Variants in ACSS2 observed in about 807,000 individuals in gnomAD.
ACSS2 encodes acetyl-coenzyme A synthetase, cytoplasmic.
A neutral mutation model predicts 90.6 loss-of-function variants in ACSS2; 58 were observed. The observed-to-expected ratio is 0.64, with a 90% confidence interval of 0.52 to 0.80. ACSS2 has a LOEUF of 0.80. ACSS2 is among the 30% of genes least tolerant of loss of function. ACSS2 has a pLI of 0.00. For missense variants in ACSS2, 759 were observed against 912.0 expected, an observed-to-expected ratio of 0.83 and a Z score of 2.16; for synonymous variants, 300 against 330.9, an observed-to-expected ratio of 0.91 and a Z score of 1.01.
rs202132151 is a variant in ACSS2 at position 34,914,378 on chromosome 20, G to A, written c.775G>A (p.Gly259Ser). ...VVKHLGRAEL[G>S]MGDSTSQSPP... ...CAAGCACCTGGGGCGGGCAGAGCTC[G>A]GCATGGGTGACTCCACCAGCCAGTC... Residue 259 changes from glycine to serine, a missense_variant, in exon 7 of 18, where the codon GGC becomes AGC. Coordinates refer to ENST00000360596, the MANE Select transcript of ACSS2 (RefSeq NM_018677.4). 178 of 1,613,766 alleles carry A rather than the reference G, an allele frequency of 1.1e-4. 1 individual carries two copies. The highest frequency in any genetic ancestry group is 3.3e-4 in the Middle Eastern group (2 of 6,080).
intron 13 of ACSS2, 71 bp from the exon 14 acceptor site, chr20:34,923,252 A>G: frequency 1.7e-6 from 2 of 1,144,060 alleles, no homozygotes; most frequent in South Asian, 2.6e-5. Flanking sequence ...CCCCACATTT[A>G]GAAAAGCTGT....
intron 10 of ACSS2, 92 bp downstream of exon 10, chr20:34,921,231 C>G (rs1350116343): frequency 1.9e-6 from 3 of 1,607,054 alleles, no homozygotes; most frequent in Non-Finnish European, 2.6e-6. Flanking sequence ...TGTCCCAACT[C>G]TCTGACCTGG....
chr20:34,916,890 A>G (rs1301838796), intron 7 of ACSS2, among the ~76,000 whole-genome samples: 1 of 152,170 alleles, frequency 6.6e-6, no homozygotes, highest in Non-Finnish European at 1.5e-5. Flanking sequence ...TCCTGGTCCA[A>G]GGACAAAGGC....
chr20:34,926,028 C>A, intron 15 of ACSS2, 77 bp from the exon 16 acceptor site: 2 of 1,505,066 alleles, frequency 1.3e-6, no homozygotes, highest in Non-Finnish European at 1.8e-6. Context: ...ACCAGGACTG[C>A]CCCATGGGTA....
At chr20:34,897,970 C>T (rs1157910784) in intron 2 of ACSS2, among the ~76,000 whole-genome samples, 6 of 152,136 alleles carry the variant, frequency 3.9e-5, no homozygotes, top group East Asian at 3.8e-4. Context: ...AGAATGAAGC[C>T]GTGGACCCTC....
intron 2 of ACSS2, among the ~76,000 whole-genome samples, chr20:34,892,984 T>A (rs1488937114): frequency 2.0e-5 from 3 of 152,194 alleles, no homozygotes; most frequent in Non-Finnish European, 4.4e-5. Flanking sequence ...CTCCCCTGGA[T>A]ATACTTTAGT....
chr20:34,907,878 A>G (rs568058339), intron 2 of ACSS2, among the ~76,000 whole-genome samples: 61 of 152,318 alleles, frequency 4.0e-4, no homozygotes, highest in African/African-American at 1.4e-3. Context: ...CTACTGACTC[A>G]TCGAGCCAGG....
At position 34,926,300 on chromosome 20, in the gene ACSS2, CAGGGACTAT is replaced by C. The variant is rs1029204738; in HGVS notation, c.1903+24_1903+32del. On this transcript the variant is annotated intron_variant, in intron 16 of 17. Coordinates refer to ENST00000360596, the MANE Select transcript of ACSS2 (RefSeq NM_018677.4). ...AAGCAGAGTAAGGAGCCTCCCTGGG[CAGGGACTAT>C]AGGGTCTGTCTTGGAGGCCCAGTTA... 6.2e-7 allele frequency: 1 copy of C among 1,612,318 alleles called. No individual in the cohort carries two copies. The highest frequency in any genetic ancestry group is 8.5e-7 in the Non-Finnish European group (1 of 1,179,050).
chr20:34,877,924 A>T (rs971151882), intron 1 of ACSS2, among the ~76,000 whole-genome samples: 3 of 150,344 alleles, frequency 2.0e-5, no homozygotes, highest in Non-Finnish European at 4.4e-5. Context: ...AGATAGATAG[A>T]TAGATAGATA....
In ACSS2 at chr20:34,914,115, A is replaced by T. The variant is rs751285866; in HGVS notation, c.663A>T (p.Glu221Asp). 1 of 1,614,162 alleles carries T rather than the reference A, an allele frequency of 6.2e-7. No individual in the cohort carries two copies. The highest frequency in any genetic ancestry group is 1.1e-5 in the South Asian group (1 of 91,084). ...LITTDAFYRG[E>D]KLVNLKELAD... Reference sequence around the variant, plus strand: ...CCAAAGATGCCTTCTACAGGGGGGAAAAGCTTGTGAACCTGAAGGAGCTGG... The same window carrying T: ...CCAAAGATGCCTTCTACAGGGGGGATAAGCTTGTGAACCTGAAGGAGCTGG... Residue 221 changes from glutamate (E) to aspartate (D), a missense_variant, in exon 6 of 18, where the codon GAA becomes GAT. Coordinates refer to ENST00000360596, the MANE Select transcript of ACSS2 (RefSeq NM_018677.4).
In ACSS2 at chr20:34,927,388, G is replaced by A. The variant is rs1295993319; in HGVS notation, c.*174G>A. The A allele has an allele frequency of 2.3e-6, 2 of 858,098 alleles. No homozygotes were observed. Among genetic ancestry groups the A allele is most frequent in the African/African-American group, 1.7e-5 (1 of 59,370 alleles). The allele number at this position is 858,098 out of a possible 1,614,324, so 53.2% of individuals were successfully genotyped here. A position where few individuals can be genotyped will look rare whatever the true frequency, so the allele number is the denominator to read the frequency against. On this transcript the variant is annotated 3_prime_UTR_variant, in exon 18 of 18. Transcript: ENST00000360596. This position sits in a 1 kb window ranked among gnomAD's most constrained non-coding sequence, Gnocchi z 4.2. Reference sequence around the variant, plus strand: ...TAGAGACAACATCCTGTGACTGCCAGGCAGAAAGGACAGGGCCCAGGTCAG... The same window carrying A: ...TAGAGACAACATCCTGTGACTGCCAAGCAGAAAGGACAGGGCCCAGGTCAG...
chr20:34,918,697 G>A (rs2081128103), intron 7 of ACSS2, among the ~76,000 whole-genome samples: 1 of 152,234 alleles, frequency 6.6e-6, no homozygotes, highest in African/African-American at 2.4e-5. Context: ...GTAGGCAAAA[G>A]TGCTTGGACC....
At chr20:34,876,346 G>T, upstream of ACSS2, 1 of 267,738 alleles carries the variant, frequency 3.7e-6, no homozygotes, top group Non-Finnish European at 6.8e-6. Flanking sequence ...CCTCTCCCTT[G>T]TCACACCCGG....
rs148522875 is a variant in ACSS2, at chr20:34,919,395, T to C, written c.835-40T>C. The C allele has an allele frequency of 1.7e-4, 278 of 1,611,946 alleles. No individual in the cohort carries two copies. In the African/African-American group the frequency reaches 2.9e-3, roughly 17 times the overall value. On this transcript the variant is annotated intron_variant, in intron 7 of 17. Transcript: ENST00000360596. Reference sequence around the variant, plus strand: ...AAGGTACGGGTGTATCTTGTCCCCATCTTGAGCTGTTCACAGTTCTTCCCT... The same window carrying C: ...AAGGTACGGGTGTATCTTGTCCCCACCTTGAGCTGTTCACAGTTCTTCCCT...
chr20:34,879,726 T>C (rs941202838), intron 1 of ACSS2, among the ~76,000 whole-genome samples: 2 of 152,176 alleles, frequency 1.3e-5, no homozygotes, highest in Non-Finnish European at 2.9e-5. Flanking sequence ...AGCGATACCC[T>C]GTCTCAAAAC....
chr20:34,904,310 G>T, intron 2 of ACSS2, among the ~76,000 whole-genome samples: 1 of 151,920 alleles, frequency 6.6e-6, no homozygotes, highest in East Asian at 1.9e-4. Flanking sequence ...CTCAAAGATA[G>T]GGAATAAGTC....
chr20:34,882,715 G>T, intron 1 of ACSS2, 79 bp from the exon 2 acceptor site: 1 of 1,392,342 alleles, frequency 7.2e-7, no homozygotes, highest in Non-Finnish European at 1.0e-6. Context: ...ATTTGGTCCT[G>T]TGTATAGACT....
intron 7 of ACSS2, among the ~76,000 whole-genome samples, chr20:34,914,673 C>T (rs1318741511): frequency 6.6e-6 from 1 of 152,148 alleles, no homozygotes; most frequent in African/African-American, 2.4e-5. Flanking sequence ...AGGGAGACTC[C>T]TATGCTGGTT....
chr20:34,886,057 C>T (rs938354120), intron 2 of ACSS2, among the ~76,000 whole-genome samples: 3 of 151,898 alleles, frequency 2.0e-5, no homozygotes, highest in Non-Finnish European at 2.9e-5. Context: ...GCAAATATGC[C>T]GGATATGTGG....
Sources: gnomAD v4.1 joint callset for allele counts (sites outside exome capture counted in the v4.1 genomes callset) on GRCh38, gnomAD v4.1.1 for gene constraint, Gnocchi (gnomAD v3.1) non-coding constraint, MANE v1.5 for transcripts, NCBI Gene and HGNC (gene_info 2026-07-23, HGNC 2026-07-21) for gene names.